The following TRDN variants were observed in gnomAD, a reference collection of about 807,000 sequenced individuals.
TRDN encodes the protein triadin, also known as triadin in skeletal muscle.
TRDN carries 161 observed loss-of-function variants against 149.7 expected under a neutral mutation model. That is an observed-to-expected ratio of 1.08 (90% CI 0.95 to 1.23). The LOEUF (loss-of-function observed/expected upper bound fraction) is 1.23. Ranked by LOEUF, TRDN falls within the 50% of genes most tolerant of loss-of-function variation. The pLI is 0.00. For missense variants in TRDN, 896 were observed against 823.5 expected (o/e 1.09, Z -1.08); for synonymous variants, 294 against 250.5 (o/e 1.17, Z -1.64).
chr6:123,284,366 A>C (rs1428054470), intron 24 of TRDN, among the ~76,000 whole-genome samples: 1 of 151,940 alleles, frequency 6.6e-6, no homozygotes, highest in African/African-American at 2.4e-5. Flanking sequence ...TAACATATAC[A>C]AGTCAATAAA....
chr6:123,454,187 C>A (rs918775164), intron 10 of TRDN, among the ~76,000 whole-genome samples: 4 of 151,968 alleles, frequency 2.6e-5, no homozygotes, highest in African/African-American at 9.7e-5. Flanking sequence ...GTGTATACTT[C>A]TCGGATGATG....
At chr6:123,331,798 A>G in intron 23 of TRDN, 81 bp downstream of exon 23, 1 of 900,118 alleles carries the variant, frequency 1.1e-6, no homozygotes, top group South Asian at 2.3e-5. Flanking sequence ...TGAAAATGAA[A>G]TGATTCATTA....
At chr6:123,477,466 TGTAAACTAG>T (rs1777544279) in intron 9 of TRDN, among the ~76,000 whole-genome samples, 4 of 149,152 alleles carry the variant, frequency 2.7e-5, no homozygotes, top group African/African-American at 1.0e-4. Context: ...TTGGTGGGAC[TGTAAACTAG>T]TTCAACCATT....
intron 1 of TRDN, among the ~76,000 whole-genome samples, chr6:123,629,241 GA>G (rs1191740102): frequency 6.6e-6 from 1 of 152,048 alleles, no homozygotes; most frequent in Non-Finnish European, 1.5e-5. Flanking sequence ...ATTTTCCAAG[GA>G]AAGTTTGCTA....
chr6:123,475,196 A>G (rs1231044066), intron 9 of TRDN, among the ~76,000 whole-genome samples: 2 of 147,886 alleles, frequency 1.4e-5, no homozygotes, highest in South Asian at 2.2e-4. Context: ...GAAGAATCAA[A>G]TAGACGCAAT....
At chr6:123,384,510 C>A (rs1455046073) in intron 14 of TRDN, among the ~76,000 whole-genome samples, 1 of 152,018 alleles carries the variant, frequency 6.6e-6, no homozygotes, top group African/African-American at 2.4e-5. Flanking sequence ...CATATTAGAA[C>A]AAGATTATTT....
chr6:123,244,250 C>T (rs1025070990), intron 38 of TRDN, among the ~76,000 whole-genome samples: 7 of 152,004 alleles, frequency 4.6e-5, no homozygotes, highest in Non-Finnish European at 8.8e-5. Context: ...AGGAGTTTGA[C>T]GAATTGACAG....
At chr6:123,394,444 A>G (rs1318909173) in intron 12 of TRDN, among the ~76,000 whole-genome samples, 1 of 152,124 alleles carries the variant, frequency 6.6e-6, no homozygotes, top group Non-Finnish European at 1.5e-5. Flanking sequence ...ACTGTTTTCA[A>G]TTATTGAATT....
intron 5 of TRDN, among the ~76,000 whole-genome samples, chr6:123,528,095 G>A (rs1780039412): frequency 1.3e-5 from 2 of 151,940 alleles, no homozygotes; most frequent in African/African-American, 4.8e-5. Flanking sequence ...ATAAAAGTTA[G>A]CTTGATATGA....
At chr6:123,252,944 T>C (rs1776424166) in intron 37 of TRDN, among the ~76,000 whole-genome samples, 1 of 152,130 alleles carries the variant, frequency 6.6e-6, no homozygotes, top group Non-Finnish European at 1.5e-5. Flanking sequence ...CAACTATTAT[T>C]ATACTTAGCT....
chr6:123,452,817 A>C (rs545356570), intron 10 of TRDN, among the ~76,000 whole-genome samples: 6 of 152,328 alleles, frequency 3.9e-5, no homozygotes, highest in African/African-American at 1.4e-4. Flanking sequence ...AAAAAGTACA[A>C]ATCTGGACGC....
intron 1 of TRDN, among the ~76,000 whole-genome samples, chr6:123,596,617 A>C (rs556305303): frequency 1.6e-4 from 24 of 152,202 alleles, no homozygotes; most frequent in African/African-American, 5.8e-4. Context: ...TTAGGAGCTA[A>C]TGCAGCTGGT....
rs535390873 is a variant in TRDN at position 123,388,551 on chromosome 6, G to A, written c.1106C>T (p.Ala369Val). The A allele has an allele frequency of 1.2e-5, 19 of 1,584,614 alleles. No individual in the cohort carries two copies. Among genetic ancestry groups the A allele is most frequent in the East Asian group, 6.8e-5 (3 of 44,066 alleles). The part of the protein sequence containing the change: ...KQGTVKIAAQ[A>V]AAKKDEKKED... The stretch of plus-strand genomic sequence containing the variant: ...CTTCTTTTCATCCTTCTTAGCTGCT[G>A]CTGAAGTAATGAAAATAGCGTTAAG... Residue 369 changes from alanine (A) to valine (V), a missense_variant and splice_region_variant, in exon 14 of 41, where the codon GCA (alanine) becomes GTA (valine). Coordinates refer to ENST00000334268, the MANE Select transcript of TRDN (RefSeq NM_006073.4).
chr6:123,240,601 A>T (rs1439230045), intron 38 of TRDN, among the ~76,000 whole-genome samples: 1 of 151,896 alleles, frequency 6.6e-6, no homozygotes, highest in Non-Finnish European at 1.5e-5. Flanking sequence ...TTTTGGAAAC[A>T]TTTAGATCTA....
intron 12 of TRDN, among the ~76,000 whole-genome samples, chr6:123,416,804 C>G (rs991511481): frequency 6.6e-6 from 1 of 151,540 alleles, no homozygotes; most frequent in Non-Finnish European, 1.5e-5. Context: ...CGGGTCCAAG[C>G]GATTCTCTCG....
chr6:123,432,736 G>A (rs1448850991), intron 12 of TRDN, among the ~76,000 whole-genome samples: 1 of 149,368 alleles, frequency 6.7e-6, no homozygotes, highest in Admixed American at 6.6e-5. Flanking sequence ...TGTGTCTTCT[G>A]CCCTCGTAAA....
At chr6:123,534,461 C>T (rs1470496783) in intron 4 of TRDN, among the ~76,000 whole-genome samples, 3 of 152,150 alleles carry the variant, frequency 2.0e-5, no homozygotes, top group Non-Finnish European at 2.9e-5. Context: ...AAAGCCTCCA[C>T]ATGGCGTGCC....
rs143471226 is a variant in TRDN at position 123,365,116 on chromosome 6, G to A, written c.1321+1019C>T. ...AAGAAAAAGAAATGACTAGGAAATA[G>A]ATTTTAGCCCTATCTACTGTAAATT... On this transcript the variant is annotated intron_variant, in intron 20 of 40. Coordinates refer to ENST00000334268, the MANE Select transcript of TRDN (RefSeq NM_006073.4). Among the ~76,000 whole-genome samples the A allele has an allele frequency of 9.1e-3, 1,391 of 152,196 alleles. 17 individuals carry two copies. Among genetic ancestry groups the A allele is most frequent in the Non-Finnish European group, 0.011 (725 of 68,004 alleles).
chr6:123,244,685 A>ATGG (rs555087762), intron 38 of TRDN, among the ~76,000 whole-genome samples: 190 of 152,320 alleles, frequency 1.2e-3, no homozygotes, highest in African/African-American at 4.0e-3. Flanking sequence ...GATATTATCC[A>ATGG]GGAGAACTTC....
Sources: gnomAD v4.1 joint callset for allele counts (sites outside exome capture counted in the v4.1 genomes callset) on GRCh38, gnomAD v4.1.1 for gene constraint, MANE v1.5 for transcripts, NCBI Gene and HGNC (gene_info 2026-07-23, HGNC 2026-07-21) for gene names.